Variants in UNC5B observed in about 807,000 individuals in gnomAD.
UNC5B encodes the protein unc-5 netrin receptor B, also known as netrin receptor UNC5B.
Under a neutral mutation model 103.7 loss-of-function variants are expected in UNC5B, and 56 were observed. That is an observed-to-expected ratio of 0.54 (90% CI 0.44 to 0.67). UNC5B has a LOEUF of 0.67. UNC5B is among the 30% of genes least tolerant of loss of function. The probability of loss-of-function intolerance (pLI) is 0.00; values close to 1 mark genes in which losing one functional copy is unlikely to be tolerated. For missense variants in UNC5B, 1,194 were observed against 1,284.5 expected (o/e 0.93, Z 1.08); for synonymous variants, 577 against 542.0 (o/e 1.06, Z -0.90).
intron 1 of UNC5B, among the ~76,000 whole-genome samples, chr10:71,249,142 G>A (rs80146101): frequency 0.015 from 2,287 of 152,318 alleles, 32 homozygotes; most frequent in Non-Finnish European, 0.025. Context: ...TCACCCCAGG[G>A]TTGAACGCAC....
At chr10:71,271,882 G>A (rs985619195) in intron 1 of UNC5B, among the ~76,000 whole-genome samples, 1 of 152,166 alleles carries the variant, frequency 6.6e-6, no homozygotes, top group Non-Finnish European at 1.5e-5. Flanking sequence ...AGAGGGCTGC[G>A]TGAGGAGCCA....
intron 1 of UNC5B, among the ~76,000 whole-genome samples, chr10:71,274,346 G>C (rs746826704): frequency 1.8e-4 from 27 of 151,896 alleles, no homozygotes; most frequent in Admixed American, 4.6e-4. Context: ...GCCACAGAGC[G>C]AGACTCTGTC....
chr10:71,256,719 CACCTGCCCGTGCATTT>C (rs1844298469), intron 1 of UNC5B, among the ~76,000 whole-genome samples: 1 of 152,268 alleles, frequency 6.6e-6, no homozygotes, highest in African/African-American at 2.4e-5. Flanking sequence ...CCTAGCAGCA[CACCTGCCCGTGCATTT>C]GGTGTGTGGG....
chr10:71,275,196 G>T (rs11598330), intron 1 of UNC5B, among the ~76,000 whole-genome samples: 11,638 of 152,246 alleles, frequency 0.076, 520 homozygotes, highest in South Asian at 0.11. Flanking sequence ...ACCATTCTTG[G>T]ATGCAGCTTT....
Position 71,285,264 on chromosome 10 carries a change from A to G in UNC5B, c.449-62A>G, listed in dbSNP as rs1845041822. ...CACTGCCACCCAGTGGCTACAGTGT[A>G]GCACATCAGGTTCTGATCCTGCCCG... On this transcript the variant is annotated intron_variant, in intron 3 of 16. Transcript: ENST00000335350. 2.7e-6 allele frequency: 4 copies of G among 1,484,352 alleles called. No homozygotes were observed. In the South Asian group the frequency reaches 4.8e-5, roughly 18 times the overall value. 91.9% of individuals were successfully genotyped at this position (1,484,352 alleles called of 1,614,324 possible).
rs1845418941 is a variant in UNC5B, at chr10:71,296,575, C to T, written c.2326-3C>T. The T allele has an allele frequency of 6.2e-7, 1 of 1,613,580 alleles. No individual in the cohort carries two copies. Among genetic ancestry groups the T allele is most frequent in the South Asian group, 1.1e-5 (1 of 91,066 alleles). On this transcript the variant is annotated splice_polypyrimidine_tract_variant and splice_region_variant and intron_variant, in intron 14 of 16. Coordinates refer to ENST00000335350, the MANE Select transcript of UNC5B (RefSeq NM_170744.5). ...GCCTGGTCCTGACCCCCTCCTCCTG[C>T]AGGAGATCCCCTTCTATCACATTTG...
At chr10:71,256,444 T>C (rs548377398) in intron 1 of UNC5B, among the ~76,000 whole-genome samples, 6 of 152,194 alleles carry the variant, frequency 3.9e-5, no homozygotes, top group Non-Finnish European at 8.8e-5. Flanking sequence ...GAAGCTCGAA[T>C]GGAGGGAGAT....
At chr10:71,227,657 CAT>C (rs1427577666) in intron 1 of UNC5B, among the ~76,000 whole-genome samples, 52 of 145,022 alleles carry the variant, frequency 3.6e-4, no homozygotes, top group African/African-American at 8.2e-4. Context: ...CATATATATA[CAT>C]ATATATACAC....
At chr10:71,227,745 C>T (rs1000971223) in intron 1 of UNC5B, among the ~76,000 whole-genome samples, 5 of 121,418 alleles carry the variant, frequency 4.1e-5, no homozygotes, top group South Asian at 2.3e-4. Context: ...CACACACACA[C>T]ATACATACCC....
chr10:71,301,945 G>C lies in UNC5B; in HGVS notation c.*2668G>C, dbSNP rs766193067. On this transcript the variant is annotated 3_prime_UTR_variant, in exon 17 of 17. Transcript: ENST00000335350. ...TCTGCCCCCAGGACAGGAGCTTGACGGATGAAGTGCAGCCAGCCACCCAGG... is the reference window on the plus strand; with the variant it reads ...TCTGCCCCCAGGACAGGAGCTTGACCGATGAAGTGCAGCCAGCCACCCAGG... 1 of 152,222 alleles carries C rather than the reference G, an allele frequency of 6.6e-6. No individual in the cohort carries two copies. The highest frequency in any genetic ancestry group is 2.1e-4 in the South Asian group (1 of 4,822). The allele number at this position is 152,222 out of a possible 1,614,324, so 9.4% of individuals were successfully genotyped here. A position where few individuals can be genotyped will look rare whatever the true frequency, so the allele number is the denominator to read the frequency against.
chr10:71,302,004 C>G lies in UNC5B; in HGVS notation c.*2727C>G, dbSNP rs149245659. On this transcript the variant is annotated 3_prime_UTR_variant, in exon 17 of 17. Transcript: ENST00000335350. ...CCAGTCTGACTTCCAGAAATGTGCA[C>G]CATGTCCTAGAGCACAGACCCATTG... 6.6e-6 allele frequency: 1 copy of G among 152,364 alleles called. No individual in the cohort carries two copies. Among genetic ancestry groups the G allele is most frequent in the Admixed American group, 6.5e-5 (1 of 15,302 alleles). 9.4% of individuals were successfully genotyped at this position (152,364 alleles called of 1,614,324 possible). A position where few individuals can be genotyped will look rare whatever the true frequency, so the allele number is the denominator to read the frequency against.
intron 1 of UNC5B, among the ~76,000 whole-genome samples, chr10:71,273,604 C>T (rs1335255224): frequency 1.3e-5 from 2 of 152,246 alleles, no homozygotes; most frequent in East Asian, 1.9e-4. Context: ...TCTGACACCT[C>T]TTATACAAGC....
intron 14 of UNC5B, 104 bp from the exon 15 acceptor site, chr10:71,296,474 C>A (rs985533185): frequency 1.5e-6 from 2 of 1,348,814 alleles, no homozygotes; most frequent in Non-Finnish European, 2.0e-6. Context: ...GGTGGAGAGG[C>A]CTGAACTGCC....
intron 2 of UNC5B, 28 bp downstream of exon 2, chr10:71,280,073 C>T: frequency 6.2e-7 from 1 of 1,607,348 alleles, no homozygotes; most frequent in South Asian, 1.1e-5. Flanking sequence ...GCCTGGGCAC[C>T]CCAGGACACC....
At chr10:71,284,153 T>G (rs2132302479) in intron 2 of UNC5B, among the ~76,000 whole-genome samples, 1 of 152,164 alleles carries the variant, frequency 6.6e-6, no homozygotes, top group Non-Finnish European at 1.5e-5. Context: ...CTGGGAGAGC[T>G]GTCGGGGAGG....
chr10:71,224,364 G>GACAC (rs58378731), intron 1 of UNC5B, among the ~76,000 whole-genome samples: 1,644 of 97,308 alleles, frequency 0.017, 111 homozygotes, highest in Non-Finnish European at 0.017. Context: ...TCTGTATGTA[G>GACAC]ACACACACAC....
Position 71,213,410 on chromosome 10 carries a change from G to T in UNC5B, c.79+346G>T, listed in dbSNP as rs1036721384. On this transcript the variant is annotated intron_variant, in intron 1 of 16. Coordinates refer to ENST00000335350, the MANE Select transcript of UNC5B (RefSeq NM_170744.5). The surrounding 1 kb of genome is among the most constrained non-coding windows in gnomAD (Gnocchi z 4.1). ...TCTCCGCGCGCCTGGCATCCGCCCC[G>T]AAAAAGAACATTGGCTACATAAGCA... Among the ~76,000 whole-genome samples the T allele has an allele frequency of 2.3e-4, 35 of 152,258 alleles. No homozygotes were observed. The highest frequency in any genetic ancestry group is 6.5e-4 in the African/African-American group (27 of 41,558).
chr10:71,284,326 C>A (rs1845006922), intron 2 of UNC5B, among the ~76,000 whole-genome samples: 1 of 152,110 alleles, frequency 6.6e-6, no homozygotes, highest in Admixed American at 6.5e-5. Context: ...CTGGAAGACA[C>A]CCGGTGAGGC....
intron 1 of UNC5B, among the ~76,000 whole-genome samples, chr10:71,245,144 T>C (rs947838883): frequency 1.2e-4 from 19 of 152,196 alleles, no homozygotes; most frequent in African/African-American, 4.6e-4. Context: ...GGGACCACTT[T>C]TGAAAAGATT....
Sources: gnomAD v4.1 joint callset for allele counts (sites outside exome capture counted in the v4.1 genomes callset) on GRCh38, gnomAD v4.1.1 for gene constraint, Gnocchi (gnomAD v3.1) non-coding constraint, MANE v1.5 for transcripts, NCBI Gene and HGNC (gene_info 2026-07-23, HGNC 2026-07-21) for gene names.